The following ERBB4 variants were observed in gnomAD, a reference collection of about 807,000 sequenced individuals.
ERBB4 encodes the protein receptor tyrosine-protein kinase erbB-4.
In ERBB4, 42 loss-of-function variants were observed where a neutral mutation model predicts 158.0. The observed-to-expected ratio is 0.27, with a 90% CI of 0.21 to 0.34. ERBB4 has a LOEUF of 0.34. ERBB4 is among the 10% of genes least tolerant of loss of function. The pLI is 1.00. For missense variants in ERBB4, 1,333 were observed against 1,624.1 expected, an observed-to-expected ratio of 0.82 and a Z score of 3.08; for synonymous variants, 583 against 558.7, an observed-to-expected ratio of 1.04 and a Z score of -0.61.
intron 1 of ERBB4, among the ~76,000 whole-genome samples, chr2:212,473,467 A>T (rs1364204918): frequency 5.3e-5 from 8 of 152,122 alleles, no homozygotes; most frequent in Non-Finnish European, 1.2e-4. Flanking sequence ...CTAGGAAAAA[A>T]GTGCCAATTA....
chr2:212,537,378 A>G (rs1198615169), intron 1 of ERBB4, among the ~76,000 whole-genome samples: 1 of 151,966 alleles, frequency 6.6e-6, no homozygotes, highest in African/African-American at 2.4e-5. Context: ...CTCCCGTCCC[A>G]CTTTCATCCC....
chr2:211,485,391 T>A (rs897289881), intron 20 of ERBB4, among the ~76,000 whole-genome samples: 1 of 152,140 alleles, frequency 6.6e-6, no homozygotes, highest in African/African-American at 2.4e-5. Flanking sequence ...GGAAAAACTA[T>A]AGACCAGCAG....
intron 1 of ERBB4, among the ~76,000 whole-genome samples, chr2:212,511,343 C>A (rs1691508907): frequency 6.6e-6 from 1 of 152,182 alleles, no homozygotes; most frequent in South Asian, 2.1e-4. Flanking sequence ...AATCAAATAG[C>A]TTCACCTAAA....
intron 12 of ERBB4, among the ~76,000 whole-genome samples, chr2:211,698,876 T>C (rs924820912): frequency 1.3e-5 from 2 of 152,322 alleles, no homozygotes; most frequent in South Asian, 2.1e-4. Context: ...CATAACCACG[T>C]AAATGATAGA....
In ERBB4 at chr2:211,591,426, T is replaced by C. The variant is rs556241116; in HGVS notation, c.2301+27751A>G. ...TCCAGACAGGCTTTTTGAAGCTAGATTTCAACATGCCAGGGCTTTCCATAC... is the reference window on the plus strand; with the variant it reads ...TCCAGACAGGCTTTTTGAAGCTAGACTTCAACATGCCAGGGCTTTCCATAC... On this transcript the variant is annotated intron_variant, in intron 19 of 27. Coordinates refer to ENST00000342788, the MANE Select transcript of ERBB4 (RefSeq NM_005235.3). Among the ~76,000 whole-genome samples, 22 of 152,346 alleles carry C rather than the reference T, an allele frequency of 1.4e-4. No homozygotes were observed. In the East Asian group the frequency reaches 4.2e-3, roughly 29 times the overall value.
At chr2:211,506,210 A>G (rs1380263232) in intron 20 of ERBB4, among the ~76,000 whole-genome samples, 2 of 152,124 alleles carry the variant, frequency 1.3e-5, no homozygotes, top group African/African-American at 2.4e-5. Context: ...ATACAGTAAG[A>G]TTTAAGTATC....
chr2:211,773,461 T>C (rs1392528943), intron 4 of ERBB4, among the ~76,000 whole-genome samples: 1 of 149,642 alleles, frequency 6.7e-6, no homozygotes, highest in Non-Finnish European at 1.5e-5. Flanking sequence ...GCATGATGAA[T>C]ACGAGGACTA....
In ERBB4 at chr2:212,383,525, G is replaced by C. The variant is rs114578120; in HGVS notation, c.82+154924C>G. 1.1e-3 allele frequency among the ~76,000 whole-genome samples: 173 copies of C among 151,678 alleles called. 1 individual carries two copies. Among genetic ancestry groups the C allele is most frequent in the African/African-American group, 4.0e-3 (165 of 41,496 alleles). On this transcript the variant is annotated intron_variant, in intron 1 of 27. Coordinates refer to ENST00000342788, the MANE Select transcript of ERBB4 (RefSeq NM_005235.3). ...TCTTTTAAACAATTATTTTATGCTT[G>C]ACACTTTAGTGGATATTGTGGTGGA...
At chr2:212,048,517 G>T (rs1002900723) in intron 2 of ERBB4, among the ~76,000 whole-genome samples, 1 of 152,140 alleles carries the variant, frequency 6.6e-6, no homozygotes, top group Admixed American at 6.5e-5. Context: ...GTGGAAAAGA[G>T]AAAAAGGAAA....
Position 211,435,836 on chromosome 2 carries a change from T to C in ERBB4, c.2488-4736A>G, listed in dbSNP as rs1049262414. 3.9e-5 allele frequency among the ~76,000 whole-genome samples: 6 copies of C among 152,342 alleles called. No individual in the cohort carries two copies. The East Asian group carries it at 9.6e-4, about 24-fold the overall frequency. ...AACTAATGCATGGTAGAAGTTGGAT[T>C]GAATCCCTTGCTGTGGCAATTCTAA... On this transcript the variant is annotated intron_variant, in intron 20 of 27. Coordinates refer to ENST00000342788, the MANE Select transcript of ERBB4 (RefSeq NM_005235.3).
At chr2:212,162,232 T>C (rs1463889712) in intron 1 of ERBB4, among the ~76,000 whole-genome samples, 1 of 151,784 alleles carries the variant, frequency 6.6e-6, no homozygotes, top group Non-Finnish European at 1.5e-5. Context: ...GCAATACTAC[T>C]TAGGAATGAA....
chr2:211,766,525 T>C (rs1236856321), intron 4 of ERBB4, among the ~76,000 whole-genome samples: 1 of 152,236 alleles, frequency 6.6e-6, no homozygotes, highest in Non-Finnish European at 1.5e-5. Context: ...AACATCTTCC[T>C]TTTGCTTTCT....
intron 20 of ERBB4, among the ~76,000 whole-genome samples, chr2:211,522,498 A>G (rs4522540): frequency 0.035 from 5,342 of 152,282 alleles, 303 homozygotes; most frequent in African/African-American, 0.12. Flanking sequence ...TGTGAACATT[A>G]TTGAAATGAC....
intron 1 of ERBB4, among the ~76,000 whole-genome samples, chr2:212,136,239 G>A (rs925498587): frequency 6.6e-6 from 1 of 152,184 alleles, no homozygotes; most frequent in African/African-American, 2.4e-5. Context: ...CATTGATAAA[G>A]ATGTGCACAT....
intron 1 of ERBB4, among the ~76,000 whole-genome samples, chr2:212,370,417 C>T (rs187540508): frequency 1.3e-4 from 20 of 152,228 alleles, no homozygotes; most frequent in Non-Finnish European, 2.6e-4. Flanking sequence ...AATTCAGAAA[C>T]GTGCAAGGCA....
intron 1 of ERBB4, among the ~76,000 whole-genome samples, chr2:212,457,951 T>A (rs866652569): frequency 1.3e-5 from 2 of 152,076 alleles, no homozygotes; most frequent in African/African-American, 2.4e-5. Flanking sequence ...TTTATTATTT[T>A]TTATTATTCA....
intron 1 of ERBB4, among the ~76,000 whole-genome samples, chr2:212,240,643 A>AAAAAAAAAAAAAAAAAAAAAAAAAAC: frequency 9.2e-6 from 1 of 108,632 alleles, no homozygotes. Context: ...GGCTCAAAAA[A>AAAAAAAAAAAAAAAAAAAAAAAAAAC]AAAAAAAAAA....
intron 20 of ERBB4, among the ~76,000 whole-genome samples, chr2:211,527,327 G>T (rs527687463): frequency 3.2e-4 from 48 of 152,126 alleles, no homozygotes; most frequent in Middle Eastern, 3.4e-3. Context: ...CCAACTTTTA[G>T]CCTAGAATAG....
intron 3 of ERBB4, among the ~76,000 whole-genome samples, chr2:211,861,119 ATATT>A (rs1230553676): frequency 8.7e-5 from 2 of 22,922 alleles, no homozygotes; most frequent in African/African-American, 4.5e-4. Flanking sequence ...ATTTATATAT[ATATT>A]TTATATATAT....
Sources: gnomAD v4.1 joint callset for allele counts (sites outside exome capture counted in the v4.1 genomes callset) on GRCh38, gnomAD v4.1.1 for gene constraint, MANE v1.5 for transcripts, NCBI Gene and HGNC (gene_info 2026-07-23, HGNC 2026-07-21) for gene names.